Variants in PARVA observed in about 807,000 individuals in gnomAD.
PARVA encodes the protein parvin alpha, also known as alpha-parvin.
A neutral mutation model predicts 52.6 loss-of-function variants in PARVA; 25 were observed. The observed-to-expected ratio is 0.48, with a 90% CI of 0.35 to 0.66. PARVA has a LOEUF of 0.66. Among genes scored for constraint, PARVA ranks in the 30% least tolerant of loss-of-function variants. PARVA has a pLI of 0.01. For synonymous variants in PARVA, 185 were observed against 179.1 expected, an observed-to-expected ratio of 1.03 and a Z score of -0.26; for missense variants, 373 against 450.9, an observed-to-expected ratio of 0.83 and a Z score of 1.56.
At chr11:12,377,377 G>C, upstream of PARVA, 1 of 1,345,436 alleles carries the variant, frequency 7.4e-7, no homozygotes, top group Non-Finnish European at 9.5e-7. Flanking sequence ...TCCTGCAAGG[G>C]GCAGTTTTGG....
At chr11:12,518,641 C>A in intron 12 of PARVA, 124 bp downstream of exon 12, 3 of 728,014 alleles carry the variant, frequency 4.1e-6, no homozygotes, top group South Asian at 3.2e-5. Flanking sequence ...AGGTGGGACT[C>A]GGTGCAGCTG....
At chr11:12,501,733 TG>T (rs1023825999) in intron 5 of PARVA, among the ~76,000 whole-genome samples, 5 of 152,256 alleles carry the variant, frequency 3.3e-5, no homozygotes, top group African/African-American at 1.2e-4. Flanking sequence ...GTAGTATGTA[TG>T]TGTGTGAGAC....
chr11:12,473,674 C>G, intron 1 of PARVA, 71 bp from the exon 2 acceptor site: 2 of 1,139,722 alleles, frequency 1.8e-6, no homozygotes, highest in Non-Finnish European at 2.6e-6. Flanking sequence ...TATCGAACAC[C>G]CTTGTTACAG....
At chr11:12,377,808 C>T (rs1449852870) in intron 1 of PARVA, 25 bp downstream of exon 1, 3 of 1,469,060 alleles carry the variant, frequency 2.0e-6, no homozygotes, top group South Asian at 2.7e-5. Flanking sequence ...GCCGGCCGGG[C>T]GGGCGGTAGG....
intron 11 of PARVA, among the ~76,000 whole-genome samples, chr11:12,517,998 C>T (rs1242584497): frequency 6.6e-6 from 1 of 152,192 alleles, no homozygotes; most frequent in Non-Finnish European, 1.5e-5. Context: ...CCAGAGATGA[C>T]AAGGAAAGTG....
At chr11:12,410,905 G>T (rs1302733171) in intron 1 of PARVA, among the ~76,000 whole-genome samples, 1 of 152,210 alleles carries the variant, frequency 6.6e-6, no homozygotes, top group African/African-American at 2.4e-5. Flanking sequence ...TGCAGGCTCT[G>T]CCACTTACCT....
intron 4 of PARVA, among the ~76,000 whole-genome samples, chr11:12,495,656 TAA>T (rs10716784): frequency 2.0e-5 from 3 of 151,556 alleles, no homozygotes; most frequent in Non-Finnish European, 2.9e-5. Flanking sequence ...TGTCATTGCA[TAA>T]AAAAAAACTA....
Position 12,483,103 on chromosome 11 carries a change from G to A in PARVA, c.400+5154G>A, listed in dbSNP as rs189865255. Among the ~76,000 whole-genome samples, 674 of 152,342 alleles carry A rather than the reference G, an allele frequency of 4.4e-3. 7 individuals carry two copies. The highest frequency in any genetic ancestry group is 0.017 in the Middle Eastern group (5 of 294). Reference sequence around the variant, plus strand: ...GGCCACATGCCCCTTGCTCACAGCAGTGTCTGCCTTCCTTGCAGGAAAATC... The same window carrying A: ...GGCCACATGCCCCTTGCTCACAGCAATGTCTGCCTTCCTTGCAGGAAAATC... On this transcript the variant is annotated intron_variant, in intron 4 of 12. Coordinates refer to ENST00000334956, the MANE Select transcript of PARVA (RefSeq NM_018222.5).
intron 7 of PARVA, among the ~76,000 whole-genome samples, chr11:12,511,289 C>A (rs1941499066): frequency 6.6e-6 from 1 of 152,064 alleles, no homozygotes; most frequent in South Asian, 2.1e-4. Context: ...ATGGGTGTAA[C>A]TGGGGGGAAA....
chr11:12,418,913 T>C (rs553183485), intron 1 of PARVA, among the ~76,000 whole-genome samples: 1 of 152,304 alleles, frequency 6.6e-6, no homozygotes, highest in East Asian at 1.9e-4. Flanking sequence ...ACCCTTTACA[T>C]GTAGTAATTT....
At chr11:12,527,735 C>A in intron 12 of PARVA, 114 bp from the exon 13 acceptor site, 1 of 822,074 alleles carries the variant, frequency 1.2e-6, no homozygotes, top group South Asian at 1.5e-5. Context: ...CCATCTGCCC[C>A]GAACATGCTG....
At chr11:12,402,092 T>C (rs1939836519) in intron 1 of PARVA, among the ~76,000 whole-genome samples, 1 of 152,124 alleles carries the variant, frequency 6.6e-6, no homozygotes, top group Admixed American at 6.6e-5. Context: ...TATGGAGTGA[T>C]TGAAGAGAGT....
intron 1 of PARVA, among the ~76,000 whole-genome samples, chr11:12,447,067 A>G (rs1940557407): frequency 6.6e-6 from 1 of 152,188 alleles, no homozygotes; most frequent in Non-Finnish European, 1.5e-5. Context: ...ACCTGGCTGT[A>G]ACAGGTGATG....
At chr11:12,508,676 A>G in intron 7 of PARVA, 34 bp downstream of exon 7, 1 of 1,439,918 alleles carries the variant, frequency 6.9e-7, no homozygotes, top group Non-Finnish European at 9.8e-7. Flanking sequence ...GCGATTCTGT[A>G]ATGGAACACA....
chr11:12,407,956 C>T (rs553555538), intron 1 of PARVA, among the ~76,000 whole-genome samples: 74 of 152,354 alleles, frequency 4.9e-4, no homozygotes, highest in African/African-American at 1.8e-3. Context: ...GATGAGTCCC[C>T]ATCCTTTTAA....
chr11:12,495,483 T>C (rs1323296084), intron 4 of PARVA, among the ~76,000 whole-genome samples: 1 of 152,226 alleles, frequency 6.6e-6, no homozygotes, highest in Non-Finnish European at 1.5e-5. Flanking sequence ...TCTGTCAATC[T>C]TAAATTAATT....
At chr11:12,463,150 T>C (rs550087127) in intron 1 of PARVA, among the ~76,000 whole-genome samples, 1 of 152,306 alleles carries the variant, frequency 6.6e-6, no homozygotes, top group Non-Finnish European at 1.5e-5. Flanking sequence ...TAAATTAGTA[T>C]GGTACAATTC....
Position 12,530,680 on chromosome 11 carries a change from A to C in PARVA, c.*2755A>C, listed in dbSNP as rs1044405115. On this transcript the variant is annotated 3_prime_UTR_variant, in exon 13 of 13. Transcript: ENST00000334956. ...CATATAAAATCTGCGGGCTTCAAAA[A>C]ATATAAGTAGGATGTCATCTATACT... 2.6e-5 allele frequency: 4 copies of C among 151,870 alleles called. No homozygotes were observed. The highest frequency in any genetic ancestry group is 6.6e-5 in the Admixed American group (1 of 15,208). The allele number at this position is 151,870 out of a possible 1,614,324, so 9.4% of individuals were successfully genotyped here.
chr11:12,470,360 A>G (rs1310223486), intron 1 of PARVA, among the ~76,000 whole-genome samples: 1 of 152,252 alleles, frequency 6.6e-6, no homozygotes, highest in Non-Finnish European at 1.5e-5. Context: ...GCTTCTGGGT[A>G]CTTTGCATAT....
Sources: allele counts gnomAD v4.1 joint callset (sites outside exome capture counted in the v4.1 genomes callset), GRCh38; gene constraint gnomAD v4.1.1; transcripts MANE v1.5; gene names NCBI Gene and HGNC (gene_info 2026-07-23, HGNC 2026-07-21).